CMC2: variants seen among roughly 807,000 people sequenced by gnomAD.
CMC2 encodes COX assembly mitochondrial protein 2 homolog.
Under a neutral mutation model 7.5 loss-of-function variants are expected in CMC2, and 5 were observed. The ratio of observed to expected loss-of-function variants is 0.66; its 90% CI spans 0.35 to 1.40. CMC2 has a LOEUF of 1.40. Among genes scored for constraint, CMC2 ranks in the 40% most tolerant of loss-of-function variants. CMC2 has a pLI of 0.04. For missense variants in CMC2, 115 were observed against 92.3 expected (o/e 1.25, Z -1.01); for synonymous variants, 37 against 31.4 (o/e 1.18, Z -0.60).
chr16:81,006,605 C>T (rs1969367035), intron 1 of CMC2, 129 bp downstream of exon 1: 1 of 670,674 alleles, frequency 1.5e-6, no homozygotes, highest in Non-Finnish European at 1.8e-6. Flanking sequence ...CCTGCGGCAG[C>T]CGGGTCTTCC....
chr16:80,977,344 A>C (rs1397656240), intron 3 of CMC2, among the ~76,000 whole-genome samples: 1 of 152,228 alleles, frequency 6.6e-6, no homozygotes, highest in Non-Finnish European at 1.5e-5. Flanking sequence ...GGACCTTAAA[A>C]GTGTTTTTAT....
intron 2 of CMC2, chr16:80,996,974 C>G: frequency 2.2e-6 from 1 of 450,402 alleles, no homozygotes; most frequent in Non-Finnish European, 4.3e-6. Context: ...TAGAATAATT[C>G]CATTATAATC....
intron 2 of CMC2, among the ~76,000 whole-genome samples, chr16:80,988,903 G>C (rs1967751966): frequency 6.6e-6 from 1 of 151,754 alleles, no homozygotes; most frequent in Admixed American, 6.6e-5. Context: ...ACATTTTAAA[G>C]AGTACAGGCC....
rs934077209 is a variant in CMC2 at position 80,975,734 on chromosome 16, A to T, written c.*359T>A. 6.2e-6 allele frequency: 1 copy of T among 162,522 alleles called. No individual in the cohort carries two copies. The highest frequency in any genetic ancestry group is 2.4e-5 in the African/African-American group (1 of 41,766). The allele number at this position is 162,522 out of a possible 1,614,324, so 10.1% of individuals were successfully genotyped here. A position where few individuals can be genotyped will look rare whatever the true frequency, so the allele number is the denominator to read the frequency against. The stretch of plus-strand genomic sequence containing the variant: ...AGAATTCTTCAACATCATGTTGTCA[A>T]AAAGAAAAAGCCTAATGGCAACATT... On this transcript the variant is annotated 3_prime_UTR_variant, in exon 4 of 4. Coordinates refer to ENST00000219400, the MANE Select transcript of CMC2 (RefSeq NM_020188.5).
chr16:80,973,121 G>A lies in CMC2; in HGVS notation c.*2972C>T, dbSNP rs566239121. ...GGAAAGTCAGCAAGGCTGATGAGAT[G>A]TAAAGCATGGAATAAGATGCAGCCA... On this transcript the variant is annotated 3_prime_UTR_variant, in exon 4 of 4. Coordinates refer to ENST00000219400, the MANE Select transcript of CMC2 (RefSeq NM_020188.5). 2.0e-5 allele frequency: 3 copies of A among 152,450 alleles called. No homozygotes were observed. In the South Asian group the frequency reaches 6.2e-4, roughly 32 times the overall value. 9.4% of individuals were successfully genotyped at this position (152,450 alleles called of 1,614,324 possible).
chr16:80,991,027 T>A (rs1471305056), intron 2 of CMC2, among the ~76,000 whole-genome samples: 1 of 72,308 alleles, frequency 1.4e-5, no homozygotes, highest in African/African-American at 7.4e-5. Context: ...AAGCCTGGCT[T>A]TTTTTTTTTT....
At chr16:80,996,281 T>C (rs1968408401) in intron 2 of CMC2, among the ~76,000 whole-genome samples, 1 of 152,220 alleles carries the variant, frequency 6.6e-6, no homozygotes. Context: ...TCTCTTTCTC[T>C]CCGCTGTGCC....
rs1911921305 is a variant in CMC2 at position 80,971,565 on chromosome 16, T to C, written c.*4528A>G. Reference sequence around the variant, plus strand: ...TATGGATACTGACATACATACATTTTATATATATATATATATATATGTATG... The same window carrying C: ...TATGGATACTGACATACATACATTTCATATATATATATATATATATGTATG... On this transcript the variant is annotated 3_prime_UTR_variant, in exon 4 of 4. Coordinates refer to ENST00000219400, the MANE Select transcript of CMC2 (RefSeq NM_020188.5). 2 of 93,554 alleles carry C rather than the reference T, an allele frequency of 2.1e-5. No individual in the cohort carries two copies. Among genetic ancestry groups the C allele is most frequent in the South Asian group, 6.0e-4 (2 of 3,358 alleles). The allele number at this position is 93,554 out of a possible 1,614,324, so 5.8% of individuals were successfully genotyped here. A position where few individuals can be genotyped will look rare whatever the true frequency, so the allele number is the denominator to read the frequency against.
chr16:80,995,416 G>T (rs960704640), intron 2 of CMC2, among the ~76,000 whole-genome samples: 1 of 152,004 alleles, frequency 6.6e-6, no homozygotes, highest in Admixed American at 6.6e-5. Flanking sequence ...AGCACTTTGG[G>T]AGGCCGAGGC....
chr16:80,992,505 C>G (rs536963373), intron 2 of CMC2, among the ~76,000 whole-genome samples: 2 of 152,186 alleles, frequency 1.3e-5, no homozygotes, highest in South Asian at 4.1e-4. Flanking sequence ...GTGTTGCCAA[C>G]AGAATGCGCT....
chr16:80,990,442 T>C (rs1967890110), intron 2 of CMC2, among the ~76,000 whole-genome samples: 1 of 152,172 alleles, frequency 6.6e-6, no homozygotes, highest in Non-Finnish European at 1.5e-5. Context: ...AGTGCTGGGA[T>C]TACAGGCATG....
At chr16:80,995,697 A>T (rs529402216) in intron 2 of CMC2, among the ~76,000 whole-genome samples, 11 of 152,246 alleles carry the variant, frequency 7.2e-5, no homozygotes, top group Middle Eastern at 3.4e-3. Context: ...AATTTCTAAC[A>T]AATTCTAGAA....
intron 2 of CMC2, among the ~76,000 whole-genome samples, chr16:80,996,084 C>A (rs934971925): frequency 2.6e-5 from 4 of 151,002 alleles, no homozygotes; most frequent in African/African-American, 9.7e-5. Context: ...CAAATATAAA[C>A]ATAAAACAAA....
intron 2 of CMC2, among the ~76,000 whole-genome samples, chr16:80,982,155 T>C (rs1967167927): frequency 6.6e-6 from 1 of 152,048 alleles, no homozygotes; most frequent in Admixed American, 6.6e-5. Context: ...TGAACTACCA[T>C]AGCCTAGAAA....
In CMC2 at chr16:80,972,071, A is replaced by T. The variant is rs1037536668; in HGVS notation, c.*4022T>A. 3 of 152,166 alleles carry T rather than the reference A, an allele frequency of 2.0e-5. No individual in the cohort carries two copies. Among genetic ancestry groups the T allele is most frequent in the African/African-American group, 7.2e-5 (3 of 41,424 alleles). 9.4% of individuals were successfully genotyped at this position (152,166 alleles called of 1,614,324 possible). On this transcript the variant is annotated 3_prime_UTR_variant, in exon 4 of 4. Transcript: ENST00000219400. ...ATCAGACTAGAGCTTAGAGGACAGAAATGGCCCCACAGGCCTCTAGCCCAG... is the reference window on the plus strand; with the variant it reads ...ATCAGACTAGAGCTTAGAGGACAGATATGGCCCCACAGGCCTCTAGCCCAG...
Position 80,969,899 on chromosome 16 carries a change from G to C in CMC2, c.*6194C>G, listed in dbSNP as rs919043984. On this transcript the variant is annotated 3_prime_UTR_variant, in exon 4 of 4. Coordinates refer to ENST00000219400, the MANE Select transcript of CMC2 (RefSeq NM_020188.5). Reference sequence around the variant, plus strand: ...GCAAGACTCCGTCTCAATTAGAAAAGAAAAAAACCCATGGAATATTGTTCC... The same window carrying C: ...GCAAGACTCCGTCTCAATTAGAAAACAAAAAAACCCATGGAATATTGTTCC... 2.0e-5 allele frequency: 3 copies of C among 151,902 alleles called. No homozygotes were observed. The highest frequency in any genetic ancestry group is 7.3e-5 in the African/African-American group (3 of 41,356). 9.4% of individuals were successfully genotyped at this position (151,902 alleles called of 1,614,324 possible). A position where few individuals can be genotyped will look rare whatever the true frequency, so the allele number is the denominator to read the frequency against.
At chr16:81,000,350 G>A (rs1216375039) in intron 1 of CMC2, among the ~76,000 whole-genome samples, 1 of 152,024 alleles carries the variant, frequency 6.6e-6, no homozygotes, top group African/African-American at 2.4e-5. Flanking sequence ...GCAAAAATTA[G>A]CCGGGTGTGG....
intron 3 of CMC2, among the ~76,000 whole-genome samples, chr16:80,977,032 T>C (rs1307845655): frequency 6.6e-6 from 1 of 152,214 alleles, no homozygotes; most frequent in Non-Finnish European, 1.5e-5. Context: ...GCCTACATCT[T>C]AGACCAGCTC....
Position 81,006,833 on chromosome 16 carries a change from C to T in CMC2, c.-135G>A, listed in dbSNP as rs1162421480. 2.0e-6 allele frequency: 2 copies of T among 985,490 alleles called. No individual in the cohort carries two copies. Among genetic ancestry groups the T allele is most frequent in the African/African-American group, 1.7e-5 (1 of 57,248 alleles). The allele number at this position is 985,490 out of a possible 1,614,324, so 61.0% of individuals were successfully genotyped here. Reference sequence around the variant, plus strand: ...AGGGAGCAGACAGCTGAACCGCTTGCCAGACGCCGAAACCCAGTGACGCCC... The same window carrying T: ...AGGGAGCAGACAGCTGAACCGCTTGTCAGACGCCGAAACCCAGTGACGCCC... On this transcript the variant is annotated 5_prime_UTR_variant, in exon 1 of 4. Coordinates refer to ENST00000219400, the MANE Select transcript of CMC2 (RefSeq NM_020188.5).
Sources: gnomAD v4.1 joint callset for allele counts (sites outside exome capture counted in the v4.1 genomes callset) on GRCh38, gnomAD v4.1.1 for gene constraint, MANE v1.5 for transcripts, NCBI Gene and HGNC (gene_info 2026-07-23, HGNC 2026-07-21) for gene names.